The following SHQ1 variants were observed in gnomAD, a reference collection of about 807,000 sequenced individuals.
SHQ1 encodes the protein SHQ1, H/ACA ribonucleoprotein assembly factor, also known as protein SHQ1 homolog.
SHQ1 carries 49 observed loss-of-function variants against 53.8 expected under a neutral mutation model. The observed-to-expected ratio is 0.91, with a 90% confidence interval of 0.72 to 1.16. SHQ1 has a LOEUF of 1.16. Ranked by LOEUF, SHQ1 falls within the 50% of genes most tolerant of loss-of-function variation. The pLI, the probability that SHQ1 is intolerant of heterozygous loss-of-function variation, is 0.00. For synonymous variants in SHQ1, 243 were observed against 251.0 expected, an observed-to-expected ratio of 0.97 and a Z score of 0.30; for missense variants, 738 against 683.1, an observed-to-expected ratio of 1.08 and a Z score of -0.90.
At chr3:72,768,794 C>A (rs1018006868) in intron 10 of SHQ1, among the ~76,000 whole-genome samples, 7 of 152,172 alleles carry the variant, frequency 4.6e-5, no homozygotes, top group African/African-American at 1.4e-4. Context: ...GCCTTTACAA[C>A]AGCGTTCAAC....
chr3:72,753,588 C>A (rs1319916896), intron 10 of SHQ1: 2 of 985,154 alleles, frequency 2.0e-6, no homozygotes, highest in African/African-American at 3.5e-5. Flanking sequence ...AGGGCAGTCA[C>A]CATCGTTGAT....
chr3:72,726,808 C>T, the SHQ1 span, among the ~76,000 whole-genome samples: 4 of 152,154 alleles, frequency 2.6e-5, no homozygotes, highest in Admixed American at 6.6e-5. Flanking sequence ...TCAATTACTG[C>T]GTCGGCCCCC....
In SHQ1 at chr3:72,825,819, T is replaced by G. The variant is rs190226853; in HGVS notation, c.600-1268A>C. ...TAATCTTATATCAGTTTCTAACTGA[T>G]AGTTTTCCACAGCCTTCCCTTTCAA... On this transcript the variant is annotated intron_variant, in intron 5 of 10. Coordinates refer to ENST00000325599, the MANE Select transcript of SHQ1 (RefSeq NM_018130.3). 6.6e-5 allele frequency among the ~76,000 whole-genome samples: 10 copies of G among 152,342 alleles called. No individual in the cohort carries two copies. The East Asian group carries it at 1.7e-3, about 26-fold the overall frequency.
chr3:72,753,284 T>C (rs1164807176), intron 10 of SHQ1: 2 of 985,324 alleles, frequency 2.0e-6, no homozygotes, highest in East Asian at 1.1e-4. Context: ...GTTTACAAGA[T>C]AAATTCATTT....
At chr3:72,768,737 CT>C (rs1705786355) in intron 10 of SHQ1, among the ~76,000 whole-genome samples, 1 of 152,250 alleles carries the variant, frequency 6.6e-6, no homozygotes, top group South Asian at 2.1e-4. Context: ...AGATTGTTCT[CT>C]GCTTTATAAG....
At chr3:72,766,168 T>A (rs998523480) in intron 10 of SHQ1, among the ~76,000 whole-genome samples, 9 of 152,116 alleles carry the variant, frequency 5.9e-5, no homozygotes, top group African/African-American at 2.2e-4. Flanking sequence ...GGGACCTAGC[T>A]TATTCCTGTT....
At chr3:72,813,014 T>G (rs912799626) in intron 8 of SHQ1, among the ~76,000 whole-genome samples, 1 of 152,172 alleles carries the variant, frequency 6.6e-6, no homozygotes, top group Admixed American at 6.5e-5. Flanking sequence ...TATCAATACA[T>G]CACAAATGTC....
At position 72,812,796 on chromosome 3, in the gene SHQ1, T is replaced by A. The variant is rs1375840735; in HGVS notation, c.937-2A>T. ...GATATCATGAACGTTAGTCCAAGTC[T>A]GTGAAGTGTCATTTTAATAAGCAGT... On this transcript the variant is annotated splice_acceptor_variant, in intron 8 of 10. Transcript: ENST00000325599. LOFTEE classifies it high-confidence loss of function. 1 of 1,613,694 alleles carries A rather than the reference T, an allele frequency of 6.2e-7. No homozygotes were observed. Among genetic ancestry groups the A allele is most frequent in the Admixed American group, 1.7e-5 (1 of 59,954 alleles).
rs764950055 is a variant in SHQ1, at chr3:72,841,053, G to A, written c.478C>T (p.Arg160Trp). Reference sequence around the variant, plus strand: ...TCAGAAAGACAACATACCTGTAACCGTTGCAACACTCCTGATCGTAAGTTT... The same window carrying A: ...TCAGAAAGACAACATACCTGTAACCATTGCAACACTCCTGATCGTAAGTTT... ...FGNLRSGVLQ[R>W]LQDELSDVID... Residue 160 changes from arginine (R) to tryptophan (W), a missense_variant, in exon 4 of 11, where the codon CGG (arginine) becomes TGG (tryptophan). Coordinates refer to ENST00000325599, the MANE Select transcript of SHQ1 (RefSeq NM_018130.3). 36 of 1,609,878 alleles carry A rather than the reference G, an allele frequency of 2.2e-5. No homozygotes were observed. The highest frequency in any genetic ancestry group is 5.1e-5 in the Admixed American group (3 of 58,982).
At position 72,750,736 on chromosome 3, in the gene SHQ1, G is replaced by A; in HGVS notation, c.1282C>T (p.Leu428Phe). ...AATGCAGTTTCTTCCTCCTGGACAAGCAGTGCTGCTGCTTCTAGTTCTTCC... is the reference window on the plus strand; with the variant it reads ...AATGCAGTTTCTTCCTCCTGGACAAACAGTGCTGCTGCTTCTAGTTCTTCC... ...ELEELEAAALLVQEEETALKA... is the reference protein window; with the variant it reads ...ELEELEAAALFVQEEETALKA... The change falls in exon 11 of 11, where the codon CTT (leucine) becomes TTT (phenylalanine). Residue 428 changes from leucine to phenylalanine, a missense_variant. Leu to Phe is a conservative substitution (Grantham distance 22, BLOSUM62 0). Transcript: ENST00000325599. 1 of 1,555,944 alleles carries A rather than the reference G, an allele frequency of 6.4e-7. No individual in the cohort carries two copies. Among genetic ancestry groups the A allele is most frequent in the Non-Finnish European group, 8.7e-7 (1 of 1,149,088 alleles).
At position 72,812,753 on chromosome 3, in the gene SHQ1, T is replaced by A. The variant is rs1225954436; in HGVS notation, c.978A>T (p.Arg326Ser). ...NVHDIMVSFG[R>S]RVLCYPLYRH... ...GATAGAGTGGGTAACACAACACCCT[T>A]CTTCCAAAAGACACCATGATATCAT... is the stretch of plus-strand genomic sequence containing the variant. Residue 326 changes from arginine to serine, a missense_variant, in exon 9 of 11, where the codon AGA (arginine) becomes AGT (serine). Arg to Ser is a moderately radical substitution (Grantham distance 110). Transcript: ENST00000325599. 6.2e-7 allele frequency: 1 copy of A among 1,614,098 alleles called. No homozygotes were observed. Among genetic ancestry groups the A allele is most frequent in the East Asian group, 2.2e-5 (1 of 44,846 alleles).
In SHQ1 at chr3:72,842,313, A is replaced by G. The variant is rs1559701857; in HGVS notation, c.298T>C (p.Ser100Pro). ...MLTALLAPRK[S>P]RTAKPLVEEI... is the part of the protein sequence containing the mutation. ...TCCACAAGTGGTTTTGCTGTCCTGG[A>G]TTTTCTTGGTGCCAGAAGAGCAGTT... Residue 100 changes from serine (S) to proline (P), a missense_variant, in exon 3 of 11, where the codon TCC becomes CCC. Coordinates refer to ENST00000325599, the MANE Select transcript of SHQ1 (RefSeq NM_018130.3). The G allele has an allele frequency of 6.2e-7, 1 of 1,613,750 alleles. No individual in the cohort carries two copies. Among genetic ancestry groups the G allele is most frequent in the Non-Finnish European group, 8.5e-7 (1 of 1,179,792 alleles).
chr3:72,795,775 T>C (rs1215354905), intron 9 of SHQ1, among the ~76,000 whole-genome samples: 7 of 152,184 alleles, frequency 4.6e-5, no homozygotes, highest in Non-Finnish European at 7.4e-5. Context: ...TCTCTCAAGA[T>C]CCCACACTTT....
intron 4 of SHQ1, among the ~76,000 whole-genome samples, chr3:72,840,577 A>G (rs2106954738): frequency 1.3e-5 from 2 of 149,302 alleles, no homozygotes; most frequent in East Asian, 3.9e-4. Context: ...AAAAAAAAAA[A>G]GAGAATAGAA....
chr3:72,745,378 C>T (rs1311205053), downstream of SHQ1, among the ~76,000 whole-genome samples: 3 of 152,098 alleles, frequency 2.0e-5, no homozygotes, highest in East Asian at 3.9e-4. Flanking sequence ...GCTTAGTTAC[C>T]GGCACCTAAA....
At chr3:72,824,574 C>A (rs1194100337) in intron 5 of SHQ1, 23 bp from the exon 6 acceptor site, 3 of 1,600,658 alleles carry the variant, frequency 1.9e-6, no homozygotes, top group Admixed American at 1.8e-5. Context: ...ATTGAAAGAA[C>A]TTACTATACA....
In SHQ1 at chr3:72,841,838, C is replaced by T. The variant is rs139626653; in HGVS notation, c.331+442G>A. Among the ~76,000 whole-genome samples, 3 of 152,272 alleles carry T rather than the reference C, an allele frequency of 2.0e-5. No homozygotes were observed. The East Asian group carries it at 5.8e-4, about 29-fold the overall frequency. ...GCACAGTTCACAGTAAGTTCATGCT[C>T]CTATGAGAATCTAATCTGATCTGAC... is the stretch of plus-strand genomic sequence containing the variant. On this transcript the variant is annotated intron_variant, in intron 3 of 10. Coordinates refer to ENST00000325599, the MANE Select transcript of SHQ1 (RefSeq NM_018130.3).
chr3:72,748,359 A>AAAAAAC (rs1705293556), downstream of SHQ1, among the ~76,000 whole-genome samples: 1 of 141,376 alleles, frequency 7.1e-6, no homozygotes, highest in South Asian at 2.2e-4. Flanking sequence ...AAAAAAAAAA[A>AAAAAAC]AAGACTCATA....
the SHQ1 span, among the ~76,000 whole-genome samples, chr3:72,734,374 G>C: frequency 6.6e-6 from 1 of 150,890 alleles, no homozygotes; most frequent in Non-Finnish European, 1.5e-5. Context: ...TCCTGCTTCA[G>C]CCTCCCAAGC....
Sources: gnomAD v4.1 joint callset for allele counts (sites outside exome capture counted in the v4.1 genomes callset) on GRCh38, gnomAD v4.1.1 for gene constraint, MANE v1.5 for transcripts, NCBI Gene and HGNC (gene_info 2026-07-23, HGNC 2026-07-21) for gene names.